Variants in GLIS3 observed in about 807,000 individuals in gnomAD.
GLIS3 encodes the protein zinc finger protein GLIS3.
In GLIS3, 53 loss-of-function variants were observed where a neutral mutation model predicts 78.6. The ratio of observed to expected loss-of-function variants is 0.67; its 90% CI spans 0.54 to 0.85. The LOEUF is 0.85. Among genes scored for constraint, GLIS3 ranks in the 40% least tolerant of loss-of-function variants. The pLI, the probability that GLIS3 is intolerant of heterozygous loss-of-function variation, is 0.00. For synonymous variants in GLIS3, 684 were observed against 509.9 expected, an observed-to-expected ratio of 1.34 and a Z score of -4.60; for missense variants, 1,703 against 1,231.1, an observed-to-expected ratio of 1.38 and a Z score of -5.74.
chr9:3,929,240 CG>C (rs370179553), intron 6 of GLIS3, among the ~76,000 whole-genome samples: 2 of 152,284 alleles, frequency 1.3e-5, no homozygotes, highest in African/African-American at 4.8e-5. Context: ...GTCTGTACAT[CG>C]GCTGATGGGA....
At chr9:3,874,427 T>C (rs1006532113) in intron 8 of GLIS3, among the ~76,000 whole-genome samples, 48 of 152,312 alleles carry the variant, frequency 3.2e-4, no homozygotes, top group African/African-American at 1.2e-3. Flanking sequence ...CTTTATAATG[T>C]CCTTTATAAT....
chr9:4,209,817 C>A (rs116480395), intron 2 of GLIS3, among the ~76,000 whole-genome samples: 92,078 of 147,508 alleles, frequency 0.62, 28,300 homozygotes, highest in African/African-American at 0.7. Flanking sequence ...GCATTCCCGC[C>A]CCCCCCCAGT....
At chr9:4,069,150 T>C (rs921264215) in intron 4 of GLIS3, among the ~76,000 whole-genome samples, 3 of 152,172 alleles carry the variant, frequency 2.0e-5, no homozygotes, top group Non-Finnish European at 4.4e-5. Context: ...CTGTTGAATA[T>C]GTAGGAACCT....
chr9:4,029,159 A>G (rs796966081), intron 4 of GLIS3, among the ~76,000 whole-genome samples: 12 of 152,312 alleles, frequency 7.9e-5, no homozygotes, highest in African/African-American at 2.9e-4. Context: ...TAGCCTCCTC[A>G]ATACCTTAAA....
intron 2 of GLIS3, among the ~76,000 whole-genome samples, chr9:4,150,028 G>C (rs1380913964): frequency 2.0e-5 from 3 of 148,302 alleles, no homozygotes; most frequent in Non-Finnish European, 4.4e-5. Flanking sequence ...GCACGTGCGG[G>C]TGCACGCATG....
At chr9:4,018,852 T>C (rs1822642495) in intron 4 of GLIS3, among the ~76,000 whole-genome samples, 1 of 152,174 alleles carries the variant, frequency 6.6e-6, no homozygotes, top group Non-Finnish European at 1.5e-5. Flanking sequence ...TTTCCCTGAC[T>C]AGAAAAGAAA....
chr9:4,268,998 A>G (rs543214087), intron 2 of GLIS3, among the ~76,000 whole-genome samples: 2 of 152,304 alleles, frequency 1.3e-5, no homozygotes, highest in African/African-American at 4.8e-5. Flanking sequence ...TAAATTCTCT[A>G]TGTTAAAAAT....
chr9:3,906,452 G>C (rs1367849554), intron 6 of GLIS3, among the ~76,000 whole-genome samples: 2 of 152,190 alleles, frequency 1.3e-5, no homozygotes, highest in Non-Finnish European at 2.9e-5. Context: ...AAACACAGGA[G>C]CCAAGCATGG....
At position 4,118,278 on chromosome 9, in the gene GLIS3, G is replaced by A. The variant is rs374943049; in HGVS notation, c.1200C>T (p.His400=). ...TGACCAGGCCTGGCTGCAGGCCGCCGTGCTCCAGCTGTTGCATGCGCTCGT... is the reference window on the plus strand; with the variant it reads ...TGACCAGGCCTGGCTGCAGGCCGCCATGCTCCAGCTGTTGCATGCGCTCGT... The part of the protein sequence containing the change: ...LEHERMQQLE[H]GGLQPGLVNH... The change falls in exon 4 of 11, where the codon CAC becomes CAT. Residue 400 remains histidine, a synonymous_variant. Coordinates refer to ENST00000381971, the MANE Select transcript of GLIS3 (RefSeq NM_001042413.2). This position sits in a 1 kb window ranked among gnomAD's most constrained non-coding sequence, Gnocchi z 4.7. 4 of 1,585,182 alleles carry A rather than the reference G, an allele frequency of 2.5e-6. No individual in the cohort carries two copies. The highest frequency in any genetic ancestry group is 1.8e-5 in the Admixed American group (1 of 56,448).
intron 6 of GLIS3, among the ~76,000 whole-genome samples, chr9:3,908,609 G>C (rs112727313): frequency 0.013 from 1,905 of 151,860 alleles, 23 homozygotes; most frequent in African/African-American, 0.039. Context: ...GGTTTGACAA[G>C]GTTACTGCAT....
intron 6 of GLIS3, among the ~76,000 whole-genome samples, chr9:3,917,963 C>A (rs1824632003): frequency 2.6e-5 from 4 of 152,268 alleles, no homozygotes; most frequent in African/African-American, 7.2e-5. Flanking sequence ...TTTATGCTTT[C>A]TAGAAGGCTA....
chr9:4,269,087 C>A (rs572315547), intron 2 of GLIS3, among the ~76,000 whole-genome samples: 29 of 152,192 alleles, frequency 1.9e-4, no homozygotes, highest in Non-Finnish European at 3.1e-4. Context: ...CTTTCTCACA[C>A]GACACAGAAT....
chr9:4,463,925 T>C, the GLIS3 span, among the ~76,000 whole-genome samples: 1 of 152,150 alleles, frequency 6.6e-6, no homozygotes, highest in African/African-American at 2.4e-5. Flanking sequence ...GAGAACTGAG[T>C]GAGAACTGAG....
chr9:4,116,726 C>G (rs1405523893), intron 4 of GLIS3, among the ~76,000 whole-genome samples: 1 of 152,184 alleles, frequency 6.6e-6, no homozygotes, highest in Non-Finnish European at 1.5e-5. Flanking sequence ...AAATAAATTT[C>G]TGTTTAAATT....
the GLIS3 span, among the ~76,000 whole-genome samples, chr9:4,473,659 A>G: frequency 6.6e-6 from 1 of 152,026 alleles, no homozygotes; most frequent in Non-Finnish European, 1.5e-5. Context: ...GGGTGGGAGG[A>G]GGGAGAGGAT....
intron 1 of GLIS3, among the ~76,000 whole-genome samples, chr9:4,296,308 A>AG (rs921114308): frequency 1.2e-4 from 18 of 151,774 alleles, no homozygotes; most frequent in African/African-American, 4.4e-4. Flanking sequence ...AAAAAAAAAA[A>AG]AAGACCGAGA....
In GLIS3 at chr9:4,276,342, G is replaced by C. The variant is rs186389383; in HGVS notation, c.388+9696C>G. ...GGGAGGGGAGGGGAGGAGAGGGAAG[G>C]AGAGGGCACGGGAGGGAAGGAGAGG... On this transcript the variant is annotated intron_variant, in intron 2 of 10. Coordinates refer to ENST00000381971, the MANE Select transcript of GLIS3 (RefSeq NM_001042413.2). Among the ~76,000 whole-genome samples, 174 of 50,030 alleles carry C rather than the reference G, an allele frequency of 3.5e-3. 5 individuals carry two copies. The highest frequency in any genetic ancestry group is 0.011 in the African/African-American group (161 of 14,016). 32.8% of individuals were successfully genotyped at this position (50,030 alleles called of 152,430 possible).
chr9:4,007,531 C>A (rs1049180015), intron 4 of GLIS3, among the ~76,000 whole-genome samples: 2 of 152,034 alleles, frequency 1.3e-5, no homozygotes, highest in African/African-American at 4.8e-5. Context: ...TGGTACTAAC[C>A]ATCTCAGGGA....
chr9:4,426,026 C>T, the GLIS3 span, among the ~76,000 whole-genome samples: 1 of 152,080 alleles, frequency 6.6e-6, no homozygotes, highest in African/African-American at 2.4e-5. Context: ...CAATCTTCCT[C>T]GACAAAAAAC....
Sources: allele counts gnomAD v4.1 joint callset (sites outside exome capture counted in the v4.1 genomes callset), GRCh38; gene constraint gnomAD v4.1.1; non-coding constraint Gnocchi (gnomAD v3.1); transcripts MANE v1.5; gene names NCBI Gene and HGNC (gene_info 2026-07-23, HGNC 2026-07-21).